Variants in IPO11 observed in about 807,000 individuals in gnomAD.
The protein encoded by IPO11 is importin-11.
A neutral mutation model predicts 143.2 loss-of-function variants in IPO11; 66 were observed. The observed-to-expected ratio is 0.46, with a 90% CI of 0.38 to 0.57. IPO11 has a LOEUF of 0.57. IPO11 is among the 20% of genes least tolerant of loss of function. The pLI is 0.00. For missense variants in IPO11, 1,026 were observed against 1,141.0 expected (o/e 0.90, Z 1.45); for synonymous variants, 385 against 377.8 (o/e 1.02, Z -0.22).
chr5:62,443,218 A>C, intron 3 of IPO11, 135 bp downstream of exon 3: 1 of 515,288 alleles, frequency 1.9e-6, no homozygotes, highest in Non-Finnish European at 3.4e-6. Context: ...GGAGCAATAC[A>C]GAGACGATTA....
At chr5:62,579,361 A>G (rs570051606) in intron 27 of IPO11, 3 of 1,324,368 alleles carry the variant, frequency 2.3e-6, no homozygotes, top group Admixed American at 2.0e-5. Context: ...TCATTTGATG[A>G]AGTTTTCGTG....
At chr5:62,519,793 C>CT (rs1742145384) in intron 20 of IPO11, among the ~76,000 whole-genome samples, 1 of 152,196 alleles carries the variant, frequency 6.6e-6, no homozygotes, top group African/African-American at 2.4e-5. Context: ...ATTGAGGTGA[C>CT]TGCCAGAATA....
At chr5:62,610,116 T>TGA (rs1745875677) in intron 29 of IPO11, among the ~76,000 whole-genome samples, 1 of 152,186 alleles carries the variant, frequency 6.6e-6, no homozygotes, top group South Asian at 2.1e-4. Flanking sequence ...CAGCCATAGA[T>TGA]GAGGTACTTG....
chr5:62,601,751 A>G lies in IPO11; in HGVS notation c.2679-13A>G. On this transcript the variant is annotated splice_polypyrimidine_tract_variant and intron_variant, in intron 28 of 29. Transcript: ENST00000325324. ...TTTTTATTTAAAACATGTTTTTTAA[A>G]AAATTATTATAGCTGTATGTTGATG... 1.4e-6 allele frequency: 2 copies of G among 1,454,708 alleles called. No homozygotes were observed. The highest frequency in any genetic ancestry group is 1.8e-6 in the Non-Finnish European group (2 of 1,086,506). 90.1% of individuals were successfully genotyped at this position (1,454,708 alleles called of 1,614,324 possible).
intron 1 of IPO11, among the ~76,000 whole-genome samples, chr5:62,414,597 A>G (rs1339180475): frequency 6.6e-6 from 1 of 152,210 alleles, no homozygotes; most frequent in African/African-American, 2.4e-5. Context: ...GTCCACAGTT[A>G]TAAGCTTTGT....
rs1176543974 is a variant in IPO11 at position 62,545,812 on chromosome 5, G to T, written c.2251-4555G>T. On this transcript the variant is annotated intron_variant, in intron 24 of 29. Transcript: ENST00000325324. ...GGATATGAACAGACACTTCTCAAAA[G>T]AAGACATTTATGCAGCCAACAGATA... is the stretch of plus-strand genomic sequence containing the variant. Among the ~76,000 whole-genome samples the T allele has an allele frequency of 1.1e-4, 17 of 152,294 alleles. No individual in the cohort carries two copies. In the East Asian group the frequency reaches 2.7e-3, roughly 24 times the overall value.
At chr5:62,453,933 G>A (rs1490120371) in intron 5 of IPO11, among the ~76,000 whole-genome samples, 6 of 151,950 alleles carry the variant, frequency 3.9e-5, no homozygotes, top group African/African-American at 1.5e-4. Context: ...AGGAGATCGA[G>A]ACCATCCTGG....
chr5:62,444,696 C>G (rs192978989), intron 3 of IPO11, among the ~76,000 whole-genome samples: 166 of 151,982 alleles, frequency 1.1e-3, no homozygotes, highest in African/African-American at 3.7e-3. Context: ...TGGCGAAACC[C>G]CACCTCTTCT....
chr5:62,561,069 TAAAAG>T lies in IPO11; in HGVS notation c.2461-66_2461-62del. On this transcript the variant is annotated intron_variant, in intron 26 of 29. Transcript: ENST00000325324. ...CCATGACTTATGAGGCTTTAGCCTT[TAAAAG>T]TATTTACCCACAAGTAAAACATATT... 2.1e-6 allele frequency: 3 copies of T among 1,410,646 alleles called. No homozygotes were observed. The South Asian group carries it at 4.2e-5, about 20-fold the overall frequency. 87.4% of individuals were successfully genotyped at this position (1,410,646 alleles called of 1,614,324 possible). A position where few individuals can be genotyped will look rare whatever the true frequency, so the allele number is the denominator to read the frequency against.
intron 27 of IPO11, among the ~76,000 whole-genome samples, chr5:62,563,771 C>G (rs1454872875): frequency 6.6e-6 from 1 of 151,984 alleles, no homozygotes. Flanking sequence ...TAGCAGTATT[C>G]TGGCACTCAA....
chr5:62,471,338 A>G (rs1373611514), intron 7 of IPO11, among the ~76,000 whole-genome samples: 3 of 151,858 alleles, frequency 2.0e-5, no homozygotes, highest in Non-Finnish European at 4.4e-5. Flanking sequence ...AAAAAATAGT[A>G]TTTTTTGTAT....
At chr5:62,471,002 A>AT (rs1357969833) in intron 7 of IPO11, among the ~76,000 whole-genome samples, 1 of 151,102 alleles carries the variant, frequency 6.6e-6, no homozygotes, top group Non-Finnish European at 1.5e-5. Context: ...TAATTTTTGT[A>AT]TTTTTAGTAG....
At chr5:62,474,158 A>G (rs26633) in intron 7 of IPO11, among the ~76,000 whole-genome samples, 123,924 of 152,190 alleles carry the variant, frequency 0.81, 51,191 homozygotes, top group African/African-American at 0.95. Context: ...AGGATGCTTA[A>G]AAAGTAATTT....
intron 20 of IPO11, among the ~76,000 whole-genome samples, chr5:62,520,921 A>G (rs936952578): frequency 6.6e-6 from 1 of 152,234 alleles, no homozygotes; most frequent in Non-Finnish European, 1.5e-5. Context: ...TCCTTGAGGA[A>G]TTGCCACACT....
intron 19 of IPO11, among the ~76,000 whole-genome samples, chr5:62,508,797 G>A (rs1032209324): frequency 4.0e-5 from 6 of 151,766 alleles, no homozygotes; most frequent in South Asian, 2.1e-4. Context: ...GATGTTCCCC[G>A]CCCTGTGTCC....
intron 29 of IPO11, among the ~76,000 whole-genome samples, chr5:62,617,867 C>A (rs1422821020): frequency 2.0e-5 from 3 of 151,964 alleles, no homozygotes; most frequent in African/African-American, 7.2e-5. Context: ...TACACATTTT[C>A]TTTTTGTGAT....
At chr5:62,513,958 G>A (rs1741898113) in intron 19 of IPO11, among the ~76,000 whole-genome samples, 1 of 150,594 alleles carries the variant, frequency 6.6e-6, no homozygotes, top group African/African-American at 2.5e-5. Context: ...CAGACGGGGC[G>A]GCGGGGCAGA....
At chr5:62,556,338 T>G (rs1743575540) in intron 26 of IPO11, among the ~76,000 whole-genome samples, 1 of 151,996 alleles carries the variant, frequency 6.6e-6, no homozygotes, top group South Asian at 2.1e-4. Context: ...AATAAGTAAA[T>G]AAATAAAAAT....
At chr5:62,611,452 A>C (rs1469777312) in intron 29 of IPO11, among the ~76,000 whole-genome samples, 1 of 152,200 alleles carries the variant, frequency 6.6e-6, no homozygotes, top group Admixed American at 6.5e-5. Context: ...AATCAAAGAC[A>C]CTGGAAAAGA....
Sources: gnomAD v4.1 joint callset for allele counts (sites outside exome capture counted in the v4.1 genomes callset) on GRCh38, gnomAD v4.1.1 for gene constraint, MANE v1.5 for transcripts, NCBI Gene and HGNC (gene_info 2026-07-23, HGNC 2026-07-21) for gene names.